The following TRIP12 variants were observed in gnomAD, a reference collection of about 807,000 sequenced individuals.
TRIP12 encodes the protein E3 ubiquitin-protein ligase TRIP12.
Under a neutral mutation model 244.2 loss-of-function variants are expected in TRIP12, and 25 were observed. That is an observed-to-expected ratio of 0.10 (90% confidence interval 0.07 to 0.14). The LOEUF (loss-of-function observed/expected upper bound fraction) is 0.14. TRIP12 is among the 10% of genes least tolerant of loss of function. TRIP12 has a pLI of 1.00. For synonymous variants in TRIP12, 905 were observed against 873.1 expected (o/e 1.04, Z -0.64); for missense variants, 1,677 against 2,486.4 (o/e 0.67, Z 6.92).
chr2:229,804,191 G>A lies in TRIP12; in HGVS notation c.2687C>T (p.Ala896Val), dbSNP rs2154270755. Residue 896 changes from alanine to valine, a missense_variant, in exon 19 of 42, where the codon GCA becomes GTA. By Grantham distance (64) the Ala-to-Val change is moderately conservative. Coordinates refer to ENST00000675903, the MANE Select transcript of TRIP12 (RefSeq NM_001348323.3). ...YSESKKDDAR[A>V]QLMKEDPELA... ...TTCCGGATCCTCTTTCATAAGCTGT[G>A]CTCGAGCATCATCCTTCTTTGACTC... is the stretch of plus-strand genomic sequence containing the variant. The A allele has an allele frequency of 6.2e-7, 1 of 1,613,788 alleles. No homozygotes were observed.
intron 8 of TRIP12, 59 bp downstream of exon 8, chr2:229,829,134 G>C (rs1489602924): frequency 9.4e-6 from 14 of 1,491,024 alleles, no homozygotes; most frequent in Non-Finnish European, 1.3e-5. Context: ...TAGGTTACAA[G>C]TAACAATAGC....
In TRIP12 at chr2:229,798,942, G is replaced by A. The variant is rs760569263; in HGVS notation, c.3415C>T (p.Pro1139Ser). Residue 1139 changes from proline to serine, a missense_variant, in exon 23 of 42, where the codon CCA (proline) becomes TCA (serine). Pro to Ser is a moderately conservative substitution (Grantham distance 74, BLOSUM62 -1). Around this residue, in one of 11 missense-constraint regions of TRIP12, gnomAD observed 572 missense variants for 867.8 expected, o/e 0.66. Transcript: ENST00000675903. The stretch of plus-strand genomic sequence containing the variant: ...CCACTACCTCCCGCAGTCCGTGCTG[G>A]CTCAATGTTGTTGCTGTTGGACTGT... ...STQSNSNNIE[P>S]ARTAGGSGLA... The A allele has an allele frequency of 1.9e-6, 3 of 1,614,180 alleles. No individual in the cohort carries two copies. Among genetic ancestry groups the A allele is most frequent in the Non-Finnish European group, 2.5e-6 (3 of 1,180,032 alleles).
chr2:229,908,827 C>T (rs2073597729), intron 1 of TRIP12, among the ~76,000 whole-genome samples: 1 of 152,102 alleles, frequency 6.6e-6, no homozygotes, highest in Admixed American at 6.5e-5. Context: ...CATGATGGCT[C>T]ATGCCTGTAA....
intron 6 of TRIP12, among the ~76,000 whole-genome samples, chr2:229,835,521 T>C (rs1408492699): frequency 6.6e-6 from 1 of 152,240 alleles, no homozygotes; most frequent in Admixed American, 6.5e-5. Context: ...ACATCACAGC[T>C]TGTAACCCTG....
At chr2:229,816,517 A>T (rs1219028203) in intron 9 of TRIP12, among the ~76,000 whole-genome samples, 1 of 152,214 alleles carries the variant, frequency 6.6e-6, no homozygotes, top group African/African-American at 2.4e-5. Flanking sequence ...TTTATGTCAC[A>T]TGACTGTATT....
chr2:229,862,475 A>T (rs1302943713), intron 2 of TRIP12, among the ~76,000 whole-genome samples: 2 of 152,206 alleles, frequency 1.3e-5, no homozygotes, highest in African/African-American at 4.8e-5. Context: ...TTATTTTCTT[A>T]AAGATCGTTG....
chr2:229,771,555 G>A lies in TRIP12; in HGVS notation c.5772C>T (p.Phe1924=). 1 of 1,614,016 alleles carries A rather than the reference G, an allele frequency of 6.2e-7. No individual in the cohort carries two copies. Among genetic ancestry groups the A allele is most frequent in the Non-Finnish European group, 8.5e-7 (1 of 1,179,920 alleles). ...DSFRDGFESV[F]PLSHLQYFYP... ...AGAAGTACTGAAGATGACTGAGTGG[G>A]AAGACTGATTCAAATCCATCTCTGA... is the stretch of plus-strand genomic sequence containing the variant. Residue 1924 remains phenylalanine, a synonymous_variant, in exon 39 of 42, where the codon TTC becomes TTT. Coordinates refer to ENST00000675903, the MANE Select transcript of TRIP12 (RefSeq NM_001348323.3).
chr2:229,922,516 G>A (rs200357690), upstream of TRIP12: 15 of 1,613,930 alleles, frequency 9.3e-6, no homozygotes, highest in East Asian at 2.2e-5. Context: ...GTCCCAAGAT[G>A]GCGTCGTGGC....
intron 9 of TRIP12, among the ~76,000 whole-genome samples, chr2:229,817,909 T>C (rs535690060): frequency 6.6e-6 from 1 of 152,252 alleles, no homozygotes; most frequent in East Asian, 1.9e-4. Flanking sequence ...TAAAAGCTTT[T>C]AAACTGAAAG....
rs778422038 is a variant in TRIP12 at position 229,859,451 on chromosome 2, G to A, written c.348C>T (p.Arg116=). The change falls in exon 4 of 42, where the codon CGC becomes CGT. Residue 116 remains arginine (R), a synonymous_variant. Coordinates refer to ENST00000675903, the MANE Select transcript of TRIP12 (RefSeq NM_001348323.3). The part of the protein sequence containing the change: ...PKKDNSRGVK[R]SASPDYNRTN... ...TCCTGTTGTAGTCTGGACTAGCACT[G>A]CGCTTCACTCCTCGAGAATTGTCTT... 1.4e-5 allele frequency: 23 copies of A among 1,614,158 alleles called. No homozygotes were observed. Among genetic ancestry groups the A allele is most frequent in the East Asian group, 4.5e-5 (2 of 44,874 alleles).
intron 4 of TRIP12, among the ~76,000 whole-genome samples, chr2:229,856,484 T>C (rs1049362640): frequency 3.9e-5 from 6 of 152,164 alleles, no homozygotes; most frequent in African/African-American, 1.4e-4. Context: ...TAACAGACTA[T>C]ATAAAGAAAA....
intron 29 of TRIP12, 33 bp downstream of exon 29, chr2:229,791,833 T>A: frequency 6.2e-7 from 1 of 1,604,060 alleles, no homozygotes; most frequent in South Asian, 1.1e-5. Flanking sequence ...TCAAAGTTTA[T>A]GAAAAAACAA....
At chr2:229,886,822 A>T (rs751336615) in intron 1 of TRIP12, among the ~76,000 whole-genome samples, 5 of 152,208 alleles carry the variant, frequency 3.3e-5, no homozygotes, top group Admixed American at 6.5e-5. Context: ...ATTTAATGGA[A>T]AAAATACAAG....
chr2:229,918,727 A>G (rs564930109), intron 1 of TRIP12, among the ~76,000 whole-genome samples: 6 of 152,366 alleles, frequency 3.9e-5, no homozygotes, highest in East Asian at 1.9e-4. Context: ...ATGAAGTTCT[A>G]TAACTCTGTA....
chr2:229,889,127 A>G (rs907070743), intron 1 of TRIP12, among the ~76,000 whole-genome samples: 1 of 152,230 alleles, frequency 6.6e-6, no homozygotes, highest in African/African-American at 2.4e-5. Flanking sequence ...AATTAAGAGC[A>G]TAAGCTTTGG....
At position 229,917,337 on chromosome 2, in the gene TRIP12, C is replaced by T. The variant is rs1577202753; in HGVS notation, c.-50+4543G>A. 2.5e-5 allele frequency among the ~76,000 whole-genome samples: 3 copies of T among 122,372 alleles called. No homozygotes were observed. In the South Asian group the frequency reaches 8.4e-4, roughly 34 times the overall value. 80.3% of individuals were successfully genotyped at this position (122,372 alleles called of 152,430 possible). On this transcript the variant is annotated intron_variant, in intron 1 of 41. Transcript: ENST00000675903. Reference sequence around the variant, plus strand: ...CGGAGCCTGCAGTGAGCCAAGATCGCGCCATTGCACTCCACCCTGGGCAAC... The same window carrying T: ...CGGAGCCTGCAGTGAGCCAAGATCGTGCCATTGCACTCCACCCTGGGCAAC...
intron 2 of TRIP12, among the ~76,000 whole-genome samples, chr2:229,867,834 T>C (rs1306716075): frequency 6.6e-6 from 1 of 152,214 alleles, no homozygotes; most frequent in Non-Finnish European, 1.5e-5. Context: ...CAAACTTGAT[T>C]AAAATAAAGC....
chr2:229,815,899 A>G (rs1357601760), intron 9 of TRIP12, among the ~76,000 whole-genome samples: 1 of 152,210 alleles, frequency 6.6e-6, no homozygotes, highest in Non-Finnish European at 1.5e-5. Flanking sequence ...ATATGCATGA[A>G]TAAGTTTAAA....
At chr2:229,785,340 G>A (rs2039681999) in intron 34 of TRIP12, among the ~76,000 whole-genome samples, 1 of 152,306 alleles carries the variant, frequency 6.6e-6, no homozygotes, top group East Asian at 1.9e-4. Context: ...ACTTTTTGTG[G>A]TGATCAGAGT....
Sources: allele counts gnomAD v4.1 joint callset (sites outside exome capture counted in the v4.1 genomes callset), GRCh38; gene constraint gnomAD v4.1.1; regional missense constraint gnomAD v4.1.1; transcripts MANE v1.5; gene names NCBI Gene and HGNC (gene_info 2026-07-23, HGNC 2026-07-21).